PCDH15: variants seen among roughly 807,000 people sequenced by gnomAD.
PCDH15 encodes the protein protocadherin related 15.
PCDH15 carries 129 observed loss-of-function variants against 178.5 expected under a neutral mutation model. The observed-to-expected ratio is 0.72, with a 90% CI of 0.63 to 0.84. PCDH15 has a LOEUF of 0.84. Among genes scored for constraint, PCDH15 ranks in the 40% least tolerant of loss-of-function variants. PCDH15 has a pLI of 0.00. For synonymous variants in PCDH15, 800 were observed against 732.0 expected, an observed-to-expected ratio of 1.09 and a Z score of -1.50; for missense variants, 2,230 against 2,099.9, an observed-to-expected ratio of 1.06 and a Z score of -1.21.
intron 3 of PCDH15, among the ~76,000 whole-genome samples, chr10:54,882,771 C>G (rs567983871): frequency 2.0e-5 from 3 of 152,068 alleles, no homozygotes; most frequent in Admixed American, 2.0e-4. Context: ...TGTCTTCTTG[C>G]TAATTAAAAA....
At chr10:54,144,122 A>G (rs2043665292) in intron 14 of PCDH15, among the ~76,000 whole-genome samples, 1 of 152,022 alleles carries the variant, frequency 6.6e-6, no homozygotes, top group African/African-American at 2.4e-5. Flanking sequence ...TCAGAAGAAA[A>G]TGATACTATT....
intron 2 of PCDH15, among the ~76,000 whole-genome samples, chr10:55,462,833 A>G (rs1283652471): frequency 6.6e-6 from 1 of 152,168 alleles, no homozygotes; most frequent in Non-Finnish European, 1.5e-5. Flanking sequence ...GTTATACTAA[A>G]TCCAAAATAT....
intron 2 of PCDH15, among the ~76,000 whole-genome samples, chr10:54,647,358 T>C (rs1276420145): frequency 6.6e-6 from 1 of 151,730 alleles, no homozygotes; most frequent in East Asian, 1.9e-4. Flanking sequence ...GTGCCAGGGG[T>C]TGGAGAGTGG....
intron 1 of PCDH15, among the ~76,000 whole-genome samples, chr10:55,167,858 G>T (rs1337482206): frequency 4.6e-5 from 7 of 152,028 alleles, no homozygotes; most frequent in Admixed American, 4.6e-4. Context: ...TTTTACAATG[G>T]TTCTAAGGTG....
chr10:54,490,841 AC>A (rs1266154935), intron 3 of PCDH15, among the ~76,000 whole-genome samples: 1 of 152,184 alleles, frequency 6.6e-6, no homozygotes, highest in African/African-American at 2.4e-5. Context: ...ATTAGGAGAG[AC>A]CATTTTACAT....
At chr10:54,111,972 C>CAAAA (rs369333708) in intron 15 of PCDH15, among the ~76,000 whole-genome samples, 5 of 97,574 alleles carry the variant, frequency 5.1e-5, no homozygotes, top group East Asian at 7.8e-4. Flanking sequence ...ACCAAAAATA[C>CAAAA]AAAAAAAAAA....
chr10:55,477,024 T>C (rs1840075734), intron 2 of PCDH15, among the ~76,000 whole-genome samples: 1 of 152,012 alleles, frequency 6.6e-6, no homozygotes, highest in Non-Finnish European at 1.5e-5. Context: ...GGTTATGTTA[T>C]ATTTTAATAC....
chr10:55,220,018 A>T (rs1840825116), intron 1 of PCDH15, among the ~76,000 whole-genome samples: 1 of 151,980 alleles, frequency 6.6e-6, no homozygotes, highest in Admixed American at 6.6e-5. Context: ...TACCTCCTGT[A>T]TCACATGAGA....
intron 3 of PCDH15, among the ~76,000 whole-genome samples, chr10:54,407,932 G>A (rs888181887): frequency 2.6e-5 from 4 of 151,198 alleles, no homozygotes; most frequent in Admixed American, 6.6e-5. Context: ...GCTCACTCTC[G>A]TAATCCCAGC....
intron 10 of PCDH15, among the ~76,000 whole-genome samples, chr10:54,198,059 C>A (rs1444308318): frequency 6.6e-6 from 1 of 152,112 alleles, no homozygotes. Flanking sequence ...GCTTTAAGAT[C>A]CTGCTCAGCA....
chr10:54,087,369 T>C lies in PCDH15; in HGVS notation c.1997+2615A>G, dbSNP rs576722593. 3.9e-5 allele frequency among the ~76,000 whole-genome samples: 6 copies of C among 152,316 alleles called. No individual in the cohort carries two copies. The East Asian group carries it at 1.2e-3, about 29-fold the overall frequency. Reference sequence around the variant, plus strand: ...TTTTATCTTATAGATGTGCCTATTATGAAAATTTTATAGAAATGAAATAAT... The same window carrying C: ...TTTTATCTTATAGATGTGCCTATTACGAAAATTTTATAGAAATGAAATAAT... On this transcript the variant is annotated intron_variant, in intron 16 of 37. Transcript: ENST00000644397.
At chr10:55,361,352 G>A (rs1014575939) in intron 2 of PCDH15, among the ~76,000 whole-genome samples, 5 of 151,922 alleles carry the variant, frequency 3.3e-5, no homozygotes, top group Non-Finnish European at 7.4e-5. Flanking sequence ...TAAACTAATT[G>A]TATAAATAGT....
intron 20 of PCDH15, among the ~76,000 whole-genome samples, chr10:54,000,278 C>A (rs1005298419): frequency 6.6e-6 from 1 of 152,036 alleles, no homozygotes; most frequent in Non-Finnish European, 1.5e-5. Context: ...CAGACACAGA[C>A]AAACATCCAC....
At chr10:53,827,184 GCTTT>G (rs1315159301) in intron 32 of PCDH15, among the ~76,000 whole-genome samples, 1 of 151,832 alleles carries the variant, frequency 6.6e-6, no homozygotes, top group Non-Finnish European at 1.5e-5. Flanking sequence ...TTTTCTCTTA[GCTTT>G]CTTTAATTTC....
chr10:55,545,175 T>G (rs1841851433), intron 2 of PCDH15, among the ~76,000 whole-genome samples: 1 of 152,042 alleles, frequency 6.6e-6, no homozygotes, highest in African/African-American at 2.4e-5. Context: ...AACCAAAATA[T>G]TTAGTCTGTC....
chr10:54,254,987 T>C (rs1287259739), intron 8 of PCDH15, among the ~76,000 whole-genome samples: 1 of 152,200 alleles, frequency 6.6e-6, no homozygotes, highest in Admixed American at 6.5e-5. Flanking sequence ...TTTCACACTA[T>C]GTGGATATTT....
At chr10:54,705,612 C>T (rs1210241552) in intron 1 of PCDH15, among the ~76,000 whole-genome samples, 1 of 152,120 alleles carries the variant, frequency 6.6e-6, no homozygotes, top group Non-Finnish European at 1.5e-5. Context: ...CATAGCACCA[C>T]TATTATCCAT....
intron 2 of PCDH15, among the ~76,000 whole-genome samples, chr10:55,330,068 C>G (rs1035219491): frequency 6.6e-6 from 1 of 151,742 alleles, no homozygotes; most frequent in African/African-American, 2.4e-5. Context: ...CTGTAAATGA[C>G]ATATCTCAGA....
At chr10:55,121,954 G>T (rs529500444) in intron 2 of PCDH15, among the ~76,000 whole-genome samples, 1 of 152,084 alleles carries the variant, frequency 6.6e-6, no homozygotes, top group Non-Finnish European at 1.5e-5. Context: ...AAGGTATTTT[G>T]TTATAGCAGC....
Sources: gnomAD v4.1 joint callset for allele counts (sites outside exome capture counted in the v4.1 genomes callset) on GRCh38, gnomAD v4.1.1 for gene constraint, MANE v1.5 for transcripts, NCBI Gene and HGNC (gene_info 2026-07-23, HGNC 2026-07-21) for gene names.